The following ADAMTS16 variants were observed in gnomAD, a reference collection of about 807,000 sequenced individuals.
ADAMTS16 encodes the protein A disintegrin and metalloproteinase with thrombospondin motifs 16.
Under a neutral mutation model 145.8 loss-of-function variants are expected in ADAMTS16, and 94 were observed. The ratio of observed to expected loss-of-function variants is 0.64; its 90% confidence interval spans 0.55 to 0.77. ADAMTS16 has a LOEUF of 0.77. ADAMTS16 is among the 30% of genes least tolerant of loss of function. The pLI is 0.00. For synonymous variants in ADAMTS16, 659 were observed against 604.3 expected (o/e 1.09, Z -1.33); for missense variants, 1,585 against 1,591.5 (o/e 1.00, Z 0.07).
intron 17 of ADAMTS16, among the ~76,000 whole-genome samples, chr5:5,251,796 G>A (rs926709543): frequency 2.0e-5 from 3 of 152,194 alleles, no homozygotes; most frequent in Admixed American, 6.5e-5. Context: ...GCAGATTCTC[G>A]GGCCCCCAGC....
rs1263687572 is a variant in ADAMTS16 at position 5,215,888 on chromosome 5, A to ATT, written c.1605+6643_1605+6644insTT. On this transcript the variant is annotated intron_variant, in intron 10 of 22. Coordinates refer to ENST00000274181, the MANE Select transcript of ADAMTS16 (RefSeq NM_139056.4). ...TGTATGTGTATATATATATATATAT[A>ATT]TATATATATATATATATATATATAT... Among the ~76,000 whole-genome samples, 23 of 88,084 alleles carry ATT rather than the reference A, an allele frequency of 2.6e-4. 1 individual carries two copies. The highest frequency in any genetic ancestry group is 7.7e-4 in the African/African-American group (22 of 28,512). The allele number at this position is 88,084 out of a possible 152,430, so 57.8% of individuals were successfully genotyped here. A position where few individuals can be genotyped will look rare whatever the true frequency, so the allele number is the denominator to read the frequency against.
At chr5:5,179,966 T>G (rs765679002) in intron 3 of ADAMTS16, among the ~76,000 whole-genome samples, 3 of 152,202 alleles carry the variant, frequency 2.0e-5, no homozygotes, top group Non-Finnish European at 4.4e-5. Context: ...CTATTTTCCT[T>G]GAGAGTTGTG....
chr5:5,311,300 C>CAAAAAAAAAAAA (rs57267931), intron 21 of ADAMTS16, among the ~76,000 whole-genome samples: 1 of 127,954 alleles, frequency 7.8e-6, no homozygotes, highest in Non-Finnish European at 1.6e-5. Context: ...TTGACATAGG[C>CAAAAAAAAAAAA]AAAAAAAAAA....
At position 5,319,183 on chromosome 5, in the gene ADAMTS16, G is replaced by A; in HGVS notation, c.*45G>A. 1.4e-6 allele frequency: 2 copies of A among 1,421,190 alleles called. No homozygotes were observed. Among genetic ancestry groups the A allele is most frequent in the Admixed American group, 3.7e-5 (2 of 53,346 alleles). 88.0% of individuals were successfully genotyped at this position (1,421,190 alleles called of 1,614,324 possible). On this transcript the variant is annotated 3_prime_UTR_variant, in exon 23 of 23. Transcript: ENST00000274181. ...GCAGAGAAAGTGCCTGCGTGGCACA[G>A]AAATTTCCCACAAATGAGCTGTGCA...
intron 17 of ADAMTS16, among the ~76,000 whole-genome samples, chr5:5,247,665 G>GTCACT: frequency 6.6e-6 from 1 of 152,196 alleles, no homozygotes. Context: ...CGCTGTGCAG[G>GTCACT]TCACTTGTAC....
intron 3 of ADAMTS16, among the ~76,000 whole-genome samples, chr5:5,168,671 T>G (rs1734960031): frequency 2.3e-5 from 1 of 42,966 alleles, no homozygotes; most frequent in Non-Finnish European, 4.1e-5. Context: ...ATTTATATAA[T>G]AATTATAATT....
At chr5:5,250,241 C>A (rs948439096) in intron 17 of ADAMTS16, among the ~76,000 whole-genome samples, 1 of 152,152 alleles carries the variant, frequency 6.6e-6, no homozygotes, top group South Asian at 2.1e-4. Flanking sequence ...TTCCCTGCCT[C>A]CTGTTCATAT....
At chr5:5,226,401 G>A (rs1247121612) in intron 11 of ADAMTS16, among the ~76,000 whole-genome samples, 2 of 152,048 alleles carry the variant, frequency 1.3e-5, no homozygotes, top group Non-Finnish European at 2.9e-5. Context: ...CTTATTCACT[G>A]TCATGAGAAC....
rs764953722 is a variant in ADAMTS16, at chr5:5,140,439, T to C, written c.-29T>C. ...ACGCTGCCGGCCGGGGACCCTCCGG[T>C]GGCCCCTAGCCCCTCGGAGCGCTCC... On this transcript the variant is annotated 5_prime_UTR_variant, in exon 1 of 23. Transcript: ENST00000274181. 120 of 1,491,946 alleles carry C rather than the reference T, an allele frequency of 8.0e-5. No individual in the cohort carries two copies. Among genetic ancestry groups the C allele is most frequent in the Non-Finnish European group, 1.0e-4 (116 of 1,128,814 alleles). 92.4% of individuals were successfully genotyped at this position (1,491,946 alleles called of 1,614,324 possible). A position where few individuals can be genotyped will look rare whatever the true frequency, so the allele number is the denominator to read the frequency against.
intron 18 of ADAMTS16, among the ~76,000 whole-genome samples, chr5:5,270,492 A>T (rs1579362501): frequency 6.6e-6 from 1 of 152,306 alleles, no homozygotes; most frequent in Non-Finnish European, 1.5e-5. Context: ...GGTGTGATAA[A>T]CACTCACTAA....
At chr5:5,160,623 C>A (rs1306044379) in intron 3 of ADAMTS16, among the ~76,000 whole-genome samples, 1 of 152,154 alleles carries the variant, frequency 6.6e-6, no homozygotes, top group Non-Finnish European at 1.5e-5. Flanking sequence ...GGTGCAAAAT[C>A]TTTATGGGAT....
intron 21 of ADAMTS16, among the ~76,000 whole-genome samples, chr5:5,311,318 CAA>C (rs759757342): frequency 1.0e-4 from 10 of 99,116 alleles, no homozygotes; most frequent in Middle Eastern, 4.8e-3. Flanking sequence ...AAAAAAAAAA[CAA>C]AAAAACAAAA....
At chr5:5,273,067 C>A (rs2126455965) in intron 18 of ADAMTS16, among the ~76,000 whole-genome samples, 1 of 152,222 alleles carries the variant, frequency 6.6e-6, no homozygotes, top group Admixed American at 6.5e-5. Flanking sequence ...GAGAGAGAGC[C>A]CAGTGGGGTG....
At position 5,310,293 on chromosome 5, in the gene ADAMTS16, C is replaced by T. The variant is rs1172853842; in HGVS notation, c.3411+3565C>T. 6.6e-6 allele frequency among the ~76,000 whole-genome samples: 1 copy of T among 152,116 alleles called. No individual in the cohort carries two copies. The highest frequency in any genetic ancestry group is 2.4e-5 in the African/African-American group (1 of 41,426). ...GCAGCCCATCTCTCATCCTTCCTAGCCCCCAATTCCCTTTTCTGTGGCCAC... is the reference window on the plus strand; with the variant it reads ...GCAGCCCATCTCTCATCCTTCCTAGTCCCCAATTCCCTTTTCTGTGGCCAC... On this transcript the variant is annotated intron_variant, in intron 21 of 22. Transcript: ENST00000274181. This position sits in a 1 kb window ranked among gnomAD's most constrained non-coding sequence, Gnocchi z 4.3.
intron 18 of ADAMTS16, among the ~76,000 whole-genome samples, chr5:5,300,590 C>T (rs1739729417): frequency 6.6e-6 from 1 of 152,178 alleles, no homozygotes; most frequent in African/African-American, 2.4e-5. Context: ...AAGGCTTCTA[C>T]AAACCAAAGC....
intron 9 of ADAMTS16, among the ~76,000 whole-genome samples, chr5:5,202,442 G>A (rs1735987364): frequency 6.6e-6 from 1 of 152,150 alleles, no homozygotes; most frequent in Non-Finnish European, 1.5e-5. Context: ...TGATGCATAG[G>A]AGTACATTTA....
At position 5,186,171 on chromosome 5, in the gene ADAMTS16, T is replaced by C; in HGVS notation, c.883T>C (p.Leu295=). ...HRNEELNVET[L]VVVDKKMMQN... ...AAATGAAGAACTGAACGTGGAGACCTTGGTGGTGGTCGACAAAAAGATGAT... is the reference window on the plus strand; with the variant it reads ...AAATGAAGAACTGAACGTGGAGACCCTGGTGGTGGTCGACAAAAAGATGAT... The change falls in exon 5 of 23, where the codon TTG becomes CTG. Residue 295 remains leucine, a synonymous_variant. Coordinates refer to ENST00000274181, the MANE Select transcript of ADAMTS16 (RefSeq NM_139056.4). The C allele has an allele frequency of 6.2e-7, 1 of 1,614,078 alleles. No homozygotes were observed. The highest frequency in any genetic ancestry group is 8.5e-7 in the Non-Finnish European group (1 of 1,180,022).
intron 21 of ADAMTS16, among the ~76,000 whole-genome samples, chr5:5,314,107 C>A (rs1486531477): frequency 6.6e-6 from 1 of 152,150 alleles, no homozygotes; most frequent in Non-Finnish European, 1.5e-5. Context: ...CCATTGAGGT[C>A]TCTGCCATCC....
In ADAMTS16 at chr5:5,319,915, C is replaced by T. The variant is rs1377512677; in HGVS notation, c.*777C>T. 2.2e-6 allele frequency: 1 copy of T among 455,404 alleles called. No individual in the cohort carries two copies. The highest frequency in any genetic ancestry group is 4.4e-6 in the Non-Finnish European group (1 of 226,786). 28.2% of individuals were successfully genotyped at this position (455,404 alleles called of 1,614,324 possible). On this transcript the variant is annotated 3_prime_UTR_variant, in exon 23 of 23. Transcript: ENST00000274181. ...GCAAGTGAGTGTCCTTTTAAAAACA[C>T]ACTTCTTCATGCTTTTCTTTGTAAA...
Sources: gnomAD v4.1 joint callset for allele counts (sites outside exome capture counted in the v4.1 genomes callset) on GRCh38, gnomAD v4.1.1 for gene constraint, Gnocchi (gnomAD v3.1) non-coding constraint, MANE v1.5 for transcripts, NCBI Gene and HGNC (gene_info 2026-07-23, HGNC 2026-07-21) for gene names.